The following DTNB variants were observed in gnomAD, a reference collection of about 807,000 sequenced individuals.
DTNB encodes the protein DTN-B.
DTNB carries 63 observed loss-of-function variants against 90.7 expected under a neutral mutation model. The ratio of observed to expected loss-of-function variants is 0.69; its 90% confidence interval spans 0.57 to 0.86. The LOEUF (loss-of-function observed/expected upper bound fraction) is 0.86. DTNB is among the 40% of genes least tolerant of loss of function. The probability of loss-of-function intolerance (pLI) is 0.00; values close to 1 mark genes in which losing one functional copy is unlikely to be tolerated. For synonymous variants in DTNB, 277 were observed against 286.7 expected, an observed-to-expected ratio of 0.97 and a Z score of 0.34; for missense variants, 744 against 807.1, an observed-to-expected ratio of 0.92 and a Z score of 0.95.
intron 4 of DTNB, among the ~76,000 whole-genome samples, chr2:25,616,323 A>G (rs555112865): frequency 1.1e-3 from 168 of 150,420 alleles, no homozygotes; most frequent in Non-Finnish European, 2.1e-3. Flanking sequence ...TCTATATATT[A>G]TAATAATTAG....
intron 13 of DTNB, 70 bp from the exon 14 acceptor site, chr2:25,433,069 C>A (rs929142134): frequency 7.0e-7 from 1 of 1,419,892 alleles, no homozygotes; most frequent in Non-Finnish European, 9.4e-7. Flanking sequence ...TTCCCTATTA[C>A]AACTTTTCAA....
At chr2:25,496,011 A>G (rs1046498836) in intron 9 of DTNB, among the ~76,000 whole-genome samples, 2 of 152,216 alleles carry the variant, frequency 1.3e-5, no homozygotes, top group African/African-American at 4.8e-5. Context: ...TCAGGAAGGA[A>G]AAGTTTACCA....
intron 9 of DTNB, among the ~76,000 whole-genome samples, chr2:25,501,262 G>C (rs981924859): frequency 2.0e-5 from 3 of 150,818 alleles, no homozygotes; most frequent in African/African-American, 7.3e-5. Context: ...ACCTAGGCTT[G>C]AGTGCAGTGG....
At chr2:25,622,759 AAACAG>A (rs1166608627) in intron 4 of DTNB, among the ~76,000 whole-genome samples, 1 of 152,184 alleles carries the variant, frequency 6.6e-6, no homozygotes, top group African/African-American at 2.4e-5. Flanking sequence ...AAACAAAACA[AAACAG>A]AACAACATAC....
At chr2:25,669,775 G>A (rs1227063927) in intron 1 of DTNB, among the ~76,000 whole-genome samples, 1 of 152,086 alleles carries the variant, frequency 6.6e-6, no homozygotes, top group Non-Finnish European at 1.5e-5. Flanking sequence ...GAGCAACATG[G>A]CGAGACTGCA....
rs1373828763 is a variant in DTNB at position 25,460,988 on chromosome 2, C to G, written c.1080-5494G>C. 4.0e-5 allele frequency among the ~76,000 whole-genome samples: 6 copies of G among 151,840 alleles called. No individual in the cohort carries two copies. The East Asian group carries it at 1.2e-3, about 29-fold the overall frequency. On this transcript the variant is annotated intron_variant, in intron 10 of 20. Coordinates refer to ENST00000406818, the MANE Select transcript of DTNB (RefSeq NM_021907.5). The stretch of plus-strand genomic sequence containing the variant: ...TCACTGCAGAGGCTCACTACAACCT[C>G]TGCCTCCTGGGTTCAAGCAATTCTC...
chr2:25,556,942 CAT>C (rs1396263352), intron 8 of DTNB, among the ~76,000 whole-genome samples: 1 of 152,196 alleles, frequency 6.6e-6, no homozygotes, highest in Non-Finnish European at 1.5e-5. Context: ...AGACCAAAGA[CAT>C]AACTGTAAAA....
chr2:25,404,068 T>C (rs1415439152), intron 16 of DTNB, among the ~76,000 whole-genome samples: 1 of 152,176 alleles, frequency 6.6e-6, no homozygotes, highest in Non-Finnish European at 1.5e-5. Context: ...TTGGTGAGGA[T>C]GATCATGAAA....
At chr2:25,660,728 A>G (rs149794153) in intron 1 of DTNB, among the ~76,000 whole-genome samples, 139 of 152,222 alleles carry the variant, frequency 9.1e-4, no homozygotes, top group African/African-American at 3.1e-3. Context: ...CTGCATTTTA[A>G]TCTACTCTCC....
intron 8 of DTNB, among the ~76,000 whole-genome samples, chr2:25,545,175 T>C (rs2082154551): frequency 6.6e-6 from 1 of 152,244 alleles, no homozygotes; most frequent in Non-Finnish European, 1.5e-5. Flanking sequence ...CCATTGAGCT[T>C]AACTTTAATA....
At chr2:25,441,553 A>T (rs1347604313) in intron 12 of DTNB, among the ~76,000 whole-genome samples, 2 of 152,210 alleles carry the variant, frequency 1.3e-5, no homozygotes, top group African/African-American at 2.4e-5. Flanking sequence ...CTGAATGTGG[A>T]CATTAGCAAC....
chr2:25,451,608 A>G lies in DTNB; in HGVS notation c.1197T>C (p.Asp399=). 6.2e-6 allele frequency: 10 copies of G among 1,605,520 alleles called. No individual in the cohort carries two copies. The highest frequency in any genetic ancestry group is 8.5e-6 in the Non-Finnish European group (10 of 1,175,942). ...ARVLDSPSRL[D]EEHRLIARYA... is the part of the protein sequence containing the mutation. ...AGCGAGCTATAAGACGGTGTTCCTCATCCAGTCGGCTAGGACTGTCCAGAA... is the reference window on the plus strand; with the variant it reads ...AGCGAGCTATAAGACGGTGTTCCTCGTCCAGTCGGCTAGGACTGTCCAGAA... The change falls in exon 12 of 21, where the codon GAT becomes GAC. Residue 399 remains aspartate (D), a synonymous_variant. Coordinates refer to ENST00000406818, the MANE Select transcript of DTNB (RefSeq NM_021907.5).
At chr2:25,458,684 G>A (rs34315470) in intron 10 of DTNB, among the ~76,000 whole-genome samples, 2,499 of 151,360 alleles carry the variant, frequency 0.017, 37 homozygotes, top group Non-Finnish European at 0.017. Flanking sequence ...TTGCTCTGTC[G>A]CCCAGGCTGG....
chr2:25,486,538 T>C (rs1352246039), intron 9 of DTNB, among the ~76,000 whole-genome samples: 1 of 148,768 alleles, frequency 6.7e-6, no homozygotes, highest in African/African-American at 2.5e-5. Context: ...GAGGCAGAGG[T>C]GGGAGGATCA....
intron 2 of DTNB, among the ~76,000 whole-genome samples, chr2:25,644,971 A>T (rs563126378): frequency 6.6e-6 from 1 of 152,342 alleles, no homozygotes; most frequent in East Asian, 1.9e-4. Context: ...GAACTAGGAA[A>T]AAAAGAGAAA....
At chr2:25,607,876 T>C (rs1278204115) in intron 4 of DTNB, among the ~76,000 whole-genome samples, 12 of 152,234 alleles carry the variant, frequency 7.9e-5, no homozygotes. Context: ...GATCTTCTAA[T>C]ACACCACTGT....
chr2:25,596,333 T>C (rs2064628546), intron 5 of DTNB, 93 bp from the exon 6 acceptor site: 1 of 1,333,664 alleles, frequency 7.5e-7, no homozygotes, highest in Middle Eastern at 2.4e-4. Flanking sequence ...ACAAAAAGTA[T>C]CATTAAAAAA....
At chr2:25,630,844 CAAAAAAAAAAAA>C (rs1169600129) in intron 3 of DTNB, among the ~76,000 whole-genome samples, 3 of 62,922 alleles carry the variant, frequency 4.8e-5, no homozygotes, top group Admixed American at 4.2e-4. Flanking sequence ...AACTCCGTCC[CAAAAAAAAAAAA>C]AAAAAAAAAA....
intron 2 of DTNB, chr2:25,650,088 T>C: frequency 1.0e-6 from 1 of 985,444 alleles, no homozygotes. Context: ...GGTTTCTGTG[T>C]AAGAGTAGTA....
Sources: gnomAD v4.1 joint callset for allele counts (sites outside exome capture counted in the v4.1 genomes callset) on GRCh38, gnomAD v4.1.1 for gene constraint, MANE v1.5 for transcripts, NCBI Gene and HGNC (gene_info 2026-07-23, HGNC 2026-07-21) for gene names.